PDE7A: variants seen among roughly 807,000 people sequenced by gnomAD.
PDE7A encodes the protein phosphodiesterase 7A.
PDE7A carries 39 observed loss-of-function variants against 64.3 expected under a neutral mutation model. That is an observed-to-expected ratio of 0.61 (90% CI 0.47 to 0.79). PDE7A has a LOEUF of 0.79. Ranked by LOEUF, PDE7A falls within the 30% of genes least tolerant of loss-of-function variation. PDE7A has a pLI of 0.00. For synonymous variants in PDE7A, 203 were observed against 206.8 expected (o/e 0.98, Z 0.16); for missense variants, 470 against 582.8 (o/e 0.81, Z 1.99).
At chr8:65,834,702 T>G (rs1446692522) in intron 1 of PDE7A, among the ~76,000 whole-genome samples, 1 of 152,174 alleles carries the variant, frequency 6.6e-6, no homozygotes, top group Non-Finnish European at 1.5e-5. Flanking sequence ...TCCATCTCCC[T>G]CTAGCCATCA....
intron 1 of PDE7A, among the ~76,000 whole-genome samples, chr8:65,790,737 C>A (rs1237364683): frequency 6.6e-6 from 1 of 152,198 alleles, no homozygotes; most frequent in African/African-American, 2.4e-5. Context: ...CTCATCTTTG[C>A]ATAAATCCAG....
chr8:65,743,839 C>CTTT (rs71981429), intron 5 of PDE7A, among the ~76,000 whole-genome samples: 1 of 145,302 alleles, frequency 6.9e-6, no homozygotes, highest in Non-Finnish European at 1.5e-5. Flanking sequence ...AGCTGAATTG[C>CTTT]TTTTTTTTTT....
intron 6 of PDE7A, among the ~76,000 whole-genome samples, chr8:65,737,865 T>C (rs1333124448): frequency 1.3e-5 from 2 of 152,224 alleles, no homozygotes; most frequent in Admixed American, 6.5e-5. Flanking sequence ...TAACTTATTT[T>C]ATAGTTCCAC....
At chr8:65,791,804 C>T (rs1809709641) in intron 1 of PDE7A, among the ~76,000 whole-genome samples, 1 of 152,192 alleles carries the variant, frequency 6.6e-6, no homozygotes, top group Non-Finnish European at 1.5e-5. Context: ...TCAAATCTTA[C>T]AAAAATCTCA....
intron 1 of PDE7A, among the ~76,000 whole-genome samples, chr8:65,837,966 CATAA>C (rs1299525914): frequency 6.6e-6 from 1 of 150,948 alleles, no homozygotes; most frequent in Non-Finnish European, 1.5e-5. Context: ...TTTCTCAACG[CATAA>C]CACAAGGAGC....
chr8:65,730,167 ACTTC>A (rs1806797738), intron 7 of PDE7A, among the ~76,000 whole-genome samples: 1 of 29,172 alleles, frequency 3.4e-5, no homozygotes, highest in East Asian at 4.9e-4. Context: ...CAGGTTGCGC[ACTTC>A]TTTTTTTTTT....
intron 3 of PDE7A, among the ~76,000 whole-genome samples, chr8:65,764,173 T>C (rs1290936103): frequency 6.6e-6 from 1 of 152,164 alleles, no homozygotes; most frequent in Non-Finnish European, 1.5e-5. Context: ...GCATGGGTGA[T>C]AGAAAAGACA....
intron 1 of PDE7A, among the ~76,000 whole-genome samples, chr8:65,799,796 G>C (rs995864537): frequency 6.6e-6 from 1 of 152,184 alleles, no homozygotes; most frequent in Non-Finnish European, 1.5e-5. Context: ...AAGGAGAGAA[G>C]TGAAGACAGC....
At chr8:65,837,967 A>AT (rs1491200408) in intron 1 of PDE7A, among the ~76,000 whole-genome samples, 2 of 152,250 alleles carry the variant, frequency 1.3e-5, no homozygotes, top group East Asian at 3.9e-4. Flanking sequence ...TTCTCAACGC[A>AT]TAACACAAGG....
chr8:65,767,063 T>C (rs1231778517), intron 3 of PDE7A, among the ~76,000 whole-genome samples: 1 of 152,170 alleles, frequency 6.6e-6, no homozygotes, highest in Non-Finnish European at 1.5e-5. Context: ...TCCAACTGAA[T>C]CTTGTTTTTT....
intron 1 of PDE7A, among the ~76,000 whole-genome samples, chr8:65,831,132 T>G (rs568024150): frequency 6.6e-6 from 1 of 152,238 alleles, no homozygotes; most frequent in African/African-American, 2.4e-5. Context: ...ACACAGTTTT[T>G]TTGTTGTTCA....
intron 7 of PDE7A, among the ~76,000 whole-genome samples, chr8:65,732,276 G>A (rs917533420): frequency 6.6e-6 from 1 of 152,108 alleles, no homozygotes; most frequent in African/African-American, 2.4e-5. Flanking sequence ...TGGGATTACA[G>A]GCGTGAGCCA....
chr8:65,729,472 A>AGG (rs1806749748), intron 7 of PDE7A, among the ~76,000 whole-genome samples: 1 of 146,822 alleles, frequency 6.8e-6, no homozygotes, highest in African/African-American at 2.5e-5. Flanking sequence ...GGTAAAGAGG[A>AGG]GGTGGCACTA....
rs926761370 is a variant in PDE7A, at chr8:65,715,861, G to A, written c.*3429C>T. Among the ~76,000 whole-genome samples the A allele has an allele frequency of 3.3e-5, 5 of 150,450 alleles. No individual in the cohort carries two copies. Among genetic ancestry groups the A allele is most frequent in the East Asian group, 2.0e-4 (1 of 4,988 alleles). ...AAATTAGCAGGGCCTGGTGGCGGGC[G>A]CCTGTAGTCCCAGCGACCTGGGAGA... On this transcript the variant is annotated 3_prime_UTR_variant, in exon 13 of 13. Transcript: ENST00000401827.
intron 5 of PDE7A, among the ~76,000 whole-genome samples, chr8:65,741,012 G>A (rs553305921): frequency 1.2e-3 from 184 of 152,174 alleles, no homozygotes; most frequent in African/African-American, 4.2e-3. Flanking sequence ...ACTAACAAGT[G>A]GAGTCACACC....
chr8:65,770,290 A>G (rs1809020656), intron 3 of PDE7A, among the ~76,000 whole-genome samples: 1 of 151,974 alleles, frequency 6.6e-6, no homozygotes, highest in African/African-American at 2.4e-5. Context: ...ATTTATAAAG[A>G]AAAAGAGGTT....
intron 7 of PDE7A, among the ~76,000 whole-genome samples, chr8:65,728,870 A>G (rs1051390911): frequency 6.6e-6 from 1 of 152,252 alleles, no homozygotes; most frequent in African/African-American, 2.4e-5. Context: ...TATATTAAAG[A>G]GTTAACCATT....
At chr8:65,727,502 T>C (rs1806661432) in intron 7 of PDE7A, 1 of 558,054 alleles carries the variant, frequency 1.8e-6, no homozygotes, top group African/African-American at 1.9e-5. Context: ...AAAGCCATGA[T>C]ACAACAGTGG....
intron 6 of PDE7A, among the ~76,000 whole-genome samples, chr8:65,738,037 C>T (rs1807226268): frequency 6.6e-6 from 1 of 152,082 alleles, no homozygotes. Context: ...AAGTTCCAGA[C>T]TACTAAAATA....
Sources: allele counts gnomAD v4.1 joint callset (sites outside exome capture counted in the v4.1 genomes callset), GRCh38; gene constraint gnomAD v4.1.1; transcripts MANE v1.5; gene names NCBI Gene and HGNC (gene_info 2026-07-23, HGNC 2026-07-21).